Variants in IPO11 observed in about 807,000 individuals in gnomAD.
The protein encoded by IPO11 is importin 11, also known as importin-11.
A neutral mutation model predicts 143.2 loss-of-function variants in IPO11; 66 were observed. That is an observed-to-expected ratio of 0.46 (90% CI 0.38 to 0.57). The LOEUF (loss-of-function observed/expected upper bound fraction) is 0.57. Ranked by LOEUF, IPO11 falls within the 20% of genes least tolerant of loss-of-function variation. IPO11 has a pLI of 0.00. For synonymous variants in IPO11, 385 were observed against 377.8 expected (o/e 1.02, Z -0.22); for missense variants, 1,026 against 1,141.0 (o/e 0.90, Z 1.45).
intron 3 of IPO11, among the ~76,000 whole-genome samples, chr5:62,444,074 G>A (rs1744613123): frequency 4.0e-5 from 6 of 151,376 alleles, no homozygotes; most frequent in Admixed American, 3.3e-4. Context: ...CTATATTACG[G>A]TTTAAAGCAG....
intron 5 of IPO11, among the ~76,000 whole-genome samples, chr5:62,466,861 A>G (rs1464181757): frequency 1.3e-5 from 2 of 152,236 alleles, no homozygotes; most frequent in African/African-American, 4.8e-5. Context: ...ACTGCAATGC[A>G]GGCATTTGAT....
chr5:62,546,607 CCA>C (rs143786287), intron 24 of IPO11, among the ~76,000 whole-genome samples: 3 of 151,430 alleles, frequency 2.0e-5, no homozygotes, highest in Admixed American at 1.3e-4. Flanking sequence ...AAAAAAAAAA[CCA>C]CACACACACA....
At chr5:62,598,965 G>C (rs1365259114) in intron 28 of IPO11, among the ~76,000 whole-genome samples, 2 of 152,084 alleles carry the variant, frequency 1.3e-5, no homozygotes, top group African/African-American at 4.8e-5. Flanking sequence ...GCGTTTTGGT[G>C]GTTTGCCCTA....
chr5:62,497,555 C>T (rs1184638730), intron 16 of IPO11, among the ~76,000 whole-genome samples: 1 of 152,154 alleles, frequency 6.6e-6, no homozygotes. Context: ...GCAGCCTCAA[C>T]ACCCGAGGGC....
intron 1 of IPO11, among the ~76,000 whole-genome samples, chr5:62,421,017 A>T (rs1364823161): frequency 6.6e-6 from 1 of 152,226 alleles, no homozygotes; most frequent in Non-Finnish European, 1.5e-5. Context: ...TTCTGTTTCC[A>T]TGCATTCTTG....
At chr5:62,419,188 A>G in intron 1 of IPO11, 2 of 1,512,506 alleles carry the variant, frequency 1.3e-6, no homozygotes, top group Non-Finnish European at 1.8e-6. Context: ...AATACAGTGT[A>G]GAAGTAAAAA....
chr5:62,485,274 T>G, intron 11 of IPO11, 145 bp from the exon 12 acceptor site: 1 of 611,008 alleles, frequency 1.6e-6, no homozygotes, highest in Non-Finnish European at 2.9e-6. Flanking sequence ...AGTAACAAAA[T>G]CTGTGTAAGG....
At chr5:62,559,127 C>T (rs1399698824) in intron 26 of IPO11, among the ~76,000 whole-genome samples, 1 of 152,082 alleles carries the variant, frequency 6.6e-6, no homozygotes, top group Non-Finnish European at 1.5e-5. Flanking sequence ...AGGCTGCTGG[C>T]TGATCAGGAT....
At chr5:62,460,140 T>C (rs1745303937) in intron 5 of IPO11, among the ~76,000 whole-genome samples, 1 of 152,234 alleles carries the variant, frequency 6.6e-6, no homozygotes, top group Admixed American at 6.5e-5. Flanking sequence ...TTAACTTTTA[T>C]CATCCTGAAG....
At chr5:62,564,355 AG>A (rs1269677189) in intron 27 of IPO11, among the ~76,000 whole-genome samples, 1 of 151,982 alleles carries the variant, frequency 6.6e-6, no homozygotes, top group East Asian at 1.9e-4. Context: ...TAGTTGTTGG[AG>A]TTAGGGGGTA....
At position 62,570,365 on chromosome 5, in the gene IPO11, A is replaced by G. The variant is rs563374882; in HGVS notation, c.2582+9108A>G. Among the ~76,000 whole-genome samples, 239 of 152,198 alleles carry G rather than the reference A, an allele frequency of 1.6e-3. 1 individual carries two copies. Among genetic ancestry groups the G allele is most frequent in the African/African-American group, 5.3e-3 (219 of 41,516 alleles). On this transcript the variant is annotated intron_variant, in intron 27 of 29. Transcript: ENST00000325324. The stretch of plus-strand genomic sequence containing the variant: ...TATTTTGAGGTGTTTCTATCTTCCT[A>G]TGTTAGGATTTGAATGGAAATAGTC...
chr5:62,433,969 G>A (rs1463822796), intron 1 of IPO11, among the ~76,000 whole-genome samples: 2 of 152,078 alleles, frequency 1.3e-5, no homozygotes, highest in South Asian at 2.1e-4. Context: ...TATGTTGATA[G>A]CAATATATTT....
At chr5:62,503,344 GT>G (rs1741414166) in intron 16 of IPO11, among the ~76,000 whole-genome samples, 1 of 131,654 alleles carries the variant, frequency 7.6e-6, no homozygotes, top group Admixed American at 7.9e-5. Context: ...TATATTAATA[GT>G]ATCTATTAAT....
intron 24 of IPO11, among the ~76,000 whole-genome samples, chr5:62,546,348 A>T (rs1042701594): frequency 2.6e-5 from 4 of 152,210 alleles, no homozygotes; most frequent in South Asian, 2.1e-4. Context: ...TATCGCAAGG[A>T]TAGAACACCA....
intron 1 of IPO11, among the ~76,000 whole-genome samples, chr5:62,436,835 C>G (rs957605853): frequency 7.9e-5 from 12 of 152,176 alleles, no homozygotes; most frequent in Non-Finnish European, 1.8e-4. Context: ...TTCTTTTCTT[C>G]CTTCTGATTT....
At chr5:62,484,198 C>T (rs1201913389) in intron 11 of IPO11, 36 bp downstream of exon 11, 10 of 1,527,692 alleles carry the variant, frequency 6.5e-6, no homozygotes, top group African/African-American at 4.2e-5. Context: ...AATGACTTTT[C>T]TCCCCTTTCT....
chr5:62,621,488 C>T (rs933028609), intron 29 of IPO11, among the ~76,000 whole-genome samples: 22 of 152,272 alleles, frequency 1.4e-4, no homozygotes, highest in African/African-American at 5.1e-4. Context: ...CCTGTCCTCC[C>T]ACGGAGCAGG....
intron 19 of IPO11, among the ~76,000 whole-genome samples, chr5:62,514,620 G>GAGGGAGA (rs1209163875): frequency 6.6e-6 from 1 of 151,098 alleles, no homozygotes; most frequent in Non-Finnish European, 1.5e-5. Context: ...GGGAGAGGGA[G>GAGGGAGA]AGGGAGAGGG....
At chr5:62,492,519 T>TA (rs1746656277) in intron 15 of IPO11, among the ~76,000 whole-genome samples, 1 of 152,182 alleles carries the variant, frequency 6.6e-6, no homozygotes, top group South Asian at 2.1e-4. Flanking sequence ...AGGGAATACT[T>TA]ACATACTTTT....
Sources: gnomAD v4.1 joint callset for allele counts (sites outside exome capture counted in the v4.1 genomes callset) on GRCh38, gnomAD v4.1.1 for gene constraint, MANE v1.5 for transcripts, NCBI Gene and HGNC (gene_info 2026-07-23, HGNC 2026-07-21) for gene names.